The following SRP72 variants were observed in gnomAD, a reference collection of about 807,000 sequenced individuals.
SRP72 encodes signal recognition particle subunit SRP72.
In SRP72, 49 loss-of-function variants were observed where a neutral mutation model predicts 96.3. The observed-to-expected ratio is 0.51, with a 90% confidence interval of 0.40 to 0.65. The LOEUF (loss-of-function observed/expected upper bound fraction) is 0.65, where lower values mean the gene tolerates loss of function less well. Among genes scored for constraint, SRP72 ranks in the 30% least tolerant of loss-of-function variants. The pLI is 0.00. For missense variants in SRP72, 736 were observed against 793.3 expected, an observed-to-expected ratio of 0.93 and a Z score of 0.87; for synonymous variants, 267 against 275.2, an observed-to-expected ratio of 0.97 and a Z score of 0.30.
intron 1 of SRP72, among the ~76,000 whole-genome samples, chr4:56,468,060 C>G (rs528525132): frequency 6.6e-6 from 1 of 152,260 alleles, no homozygotes; most frequent in African/African-American, 2.4e-5. Context: ...TCTTATTTGA[C>G]TCCTTTGCTG....
At chr4:56,469,602 T>C (rs781529312) in intron 1 of SRP72, 51 bp from the exon 2 acceptor site, 10 of 1,480,580 alleles carry the variant, frequency 6.8e-6, no homozygotes, top group Non-Finnish European at 9.1e-6. Context: ...TTAGTAAAAA[T>C]GTGAAAAGGA....
chr4:56,474,815 G>T (rs1720141952), intron 5 of SRP72, among the ~76,000 whole-genome samples: 1 of 152,174 alleles, frequency 6.6e-6, no homozygotes, highest in Non-Finnish European at 1.5e-5. Context: ...CTCCCAAGTA[G>T]CTGGGATCAC....
Position 56,489,476 on chromosome 4 carries a change from A to G in SRP72, c.1313A>G (p.Asn438Ser). ...ACACAAGCTATCCAGTGGTATCAAAACCATCAGGTAAATAAATGGAGTAAA... is the reference window on the plus strand; with the variant it reads ...ACACAAGCTATCCAGTGGTATCAAAGCCATCAGGTAAATAAATGGAGTAAA... ...VFTQAIQWYQNHQPKSPAHLS... is the reference protein window; with the variant it reads ...VFTQAIQWYQSHQPKSPAHLS... Residue 438 changes from asparagine to serine, a missense_variant, in exon 13 of 19, where the codon AAC becomes AGC. By Grantham distance (46) the Asn-to-Ser change is conservative (BLOSUM62 1). Transcript: ENST00000642900. 6.4e-7 allele frequency: 1 copy of G among 1,570,630 alleles called. No homozygotes were observed. The highest frequency in any genetic ancestry group is 8.7e-7 in the Non-Finnish European group (1 of 1,146,958).
Position 56,484,744 on chromosome 4 carries a change from A to G in SRP72, c.966A>G (p.Gln322=), listed in dbSNP as rs541070525. Residue 322 remains glutamine, a synonymous_variant, in exon 10 of 19, where the codon CAA becomes CAG. Coordinates refer to ENST00000642900, the MANE Select transcript of SRP72 (RefSeq NM_006947.4). ...LLAMYTNQAE[Q]CRKISASLQS... Reference sequence around the variant, plus strand: ...GGTTGGATATCTTCTAGGCTGAACAATGCCGCAAAATATCTGCCAGTTTAC... The same window carrying G: ...GGTTGGATATCTTCTAGGCTGAACAGTGCCGCAAAATATCTGCCAGTTTAC... 16 of 1,614,114 alleles carry G rather than the reference A, an allele frequency of 9.9e-6. No individual in the cohort carries two copies. Among genetic ancestry groups the G allele is most frequent in the African/African-American group, 1.3e-5 (1 of 75,030 alleles).
chr4:56,479,701 T>C (rs1044123650), intron 8 of SRP72, among the ~76,000 whole-genome samples: 1 of 150,576 alleles, frequency 6.6e-6, no homozygotes, highest in Non-Finnish European at 1.5e-5. Context: ...GGCTGGTCTT[T>C]AAACTCCTGG....
chr4:56,480,698 C>G (rs1051336616), intron 8 of SRP72, among the ~76,000 whole-genome samples: 4 of 152,136 alleles, frequency 2.6e-5, no homozygotes, highest in African/African-American at 9.7e-5. Flanking sequence ...CAAAATAGTA[C>G]TGGATGCAAT....
Position 56,478,659 on chromosome 4 carries a change from A to G in SRP72, c.825+10A>G, listed in dbSNP as rs1395258049. On this transcript the variant is annotated intron_variant, in intron 8 of 18. Transcript: ENST00000642900. ...CATTACCATTAACAAGGTATGGAGTATTTGTGCTTTCCATAGATATATTTT... is the reference window on the plus strand; with the variant it reads ...CATTACCATTAACAAGGTATGGAGTGTTTGTGCTTTCCATAGATATATTTT... The G allele has an allele frequency of 1.2e-6, 2 of 1,610,308 alleles. No homozygotes were observed. The highest frequency in any genetic ancestry group is 1.1e-5 in the South Asian group (1 of 90,358).
chr4:56,497,002 A>G (rs535417972), intron 17 of SRP72, among the ~76,000 whole-genome samples: 1 of 152,236 alleles, frequency 6.6e-6, no homozygotes, highest in Admixed American at 6.5e-5. Flanking sequence ...CCCAAAAAAA[A>G]GCATGCTCCC....
Position 56,474,290 on chromosome 4 carries a change from G to A in SRP72, c.509G>A (p.Gly170Asp), listed in dbSNP as rs1419324011. 2 of 1,613,964 alleles carry A rather than the reference G, an allele frequency of 1.2e-6. No homozygotes were observed. The highest frequency in any genetic ancestry group is 3.3e-5 in the Admixed American group (2 of 59,988). ...NWEKVVPENL[G>D]LQEGTHELCY... ...TTTGTCCCCTGACAGGAGAACCTGG[G>A]CCTCCAAGAAGGCACACATGAGCTG... is the stretch of plus-strand genomic sequence containing the variant. The change falls in exon 5 of 19, where the codon GGC (glycine) becomes GAC (aspartate). Residue 170 changes from glycine to aspartate, a missense_variant. Gly to Asp is a moderately conservative substitution (Grantham distance 94). Coordinates refer to ENST00000642900, the MANE Select transcript of SRP72 (RefSeq NM_006947.4).
chr4:56,492,621 ACT>A lies in SRP72; in HGVS notation c.1640+1056_1640+1057del, dbSNP rs1227716088. ...ACAATGACTGATTTCTTTCTAACAA[ACT>A]CTGCATTTCATAAAAAGCATTGTTG... On this transcript the variant is annotated intron_variant, in intron 16 of 18. Transcript: ENST00000642900. Among the ~76,000 whole-genome samples the A allele has an allele frequency of 3.3e-5, 5 of 152,248 alleles. No homozygotes were observed. In the East Asian group the frequency reaches 7.7e-4, roughly 24 times the overall value.
chr4:56,478,265 A>AT (rs1720330506), intron 6 of SRP72, 114 bp from the exon 7 acceptor site: 1 of 1,088,386 alleles, frequency 9.2e-7, no homozygotes. Flanking sequence ...CTAAGGGAAA[A>AT]TTTCTGAAAT....
At chr4:56,467,824 G>C in intron 1 of SRP72, 80 bp downstream of exon 1, 1 of 1,296,684 alleles carries the variant, frequency 7.7e-7, no homozygotes, top group Non-Finnish European at 1.0e-6. Context: ...AGACCACCTC[G>C]CGCGGGAGGC....
intron 8 of SRP72, among the ~76,000 whole-genome samples, chr4:56,482,466 T>A (rs1158215450): frequency 6.6e-6 from 1 of 151,692 alleles, no homozygotes; most frequent in Non-Finnish European, 1.5e-5. Flanking sequence ...AAAAGGTATG[T>A]ACTTGTTTTC....
At chr4:56,485,696 G>C (rs934361150) in intron 10 of SRP72, among the ~76,000 whole-genome samples, 5 of 152,018 alleles carry the variant, frequency 3.3e-5, no homozygotes, top group Non-Finnish European at 5.9e-5. Context: ...CAACTACGTG[G>C]GAGGCTGAGG....
chr4:56,501,772 C>G lies in SRP72; in HGVS notation c.1927C>G (p.Pro643Ala). Residue 643 changes from proline (P) to alanine (A), a missense_variant, in exon 19 of 19, where the codon CCC becomes GCC. Pro to Ala is a conservative substitution (Grantham distance 27). This residue lies in a region of SRP72 where 388 missense variants were observed against 431.8 expected (regional missense o/e 0.90). Coordinates refer to ENST00000642900, the MANE Select transcript of SRP72 (RefSeq NM_006947.4). ...ATCTGCCTCTACAAGTAACATCATA[C>G]CCCCAAGACACCAGAAACCTGCAGG... ...TVSASTSNII[P>A]PRHQKPAGAP... is the part of the protein sequence containing the mutation. The G allele has an allele frequency of 6.2e-7, 1 of 1,614,082 alleles. No individual in the cohort carries two copies.
Position 56,478,597 on chromosome 4 carries a change from C to T in SRP72, c.773C>T (p.Thr258Ile). ...LYNQIIKLKP[T>I]DVGLLAVIAN... is the part of the protein sequence containing the mutation. ...CTGTTGCTTGTTGTTCACAGACCAACAGATGTGGGATTACTAGCTGTAATT... is the reference window on the plus strand; with the variant it reads ...CTGTTGCTTGTTGTTCACAGACCAATAGATGTGGGATTACTAGCTGTAATT... The change falls in exon 8 of 19, where the codon ACA becomes ATA. Residue 258 changes from threonine to isoleucine, a missense_variant. Transcript: ENST00000642900. 6.2e-7 allele frequency: 1 copy of T among 1,614,018 alleles called. No individual in the cohort carries two copies. Among genetic ancestry groups the T allele is most frequent in the East Asian group, 2.2e-5 (1 of 44,868 alleles).
At chr4:56,487,635 G>T (rs1386908033) in intron 11 of SRP72, among the ~76,000 whole-genome samples, 1 of 152,096 alleles carries the variant, frequency 6.6e-6, no homozygotes, top group African/African-American at 2.4e-5. Flanking sequence ...TCAAGTTACA[G>T]CCCAAAAAAG....
intron 2 of SRP72, among the ~76,000 whole-genome samples, chr4:56,471,013 G>C (rs1719952795): frequency 6.6e-6 from 1 of 152,104 alleles, no homozygotes; most frequent in Non-Finnish European, 1.5e-5. Flanking sequence ...TGTTGGCCAG[G>C]CTGGTCTTGA....
intron 1 of SRP72, 47 bp from the exon 2 acceptor site, chr4:56,469,605 GA>G: frequency 1.3e-6 from 2 of 1,488,480 alleles, no homozygotes; most frequent in Non-Finnish European, 1.8e-6. Context: ...GTAAAAATGT[GA>G]AAAGGAAATG....
Sources: allele counts gnomAD v4.1 joint callset (sites outside exome capture counted in the v4.1 genomes callset), GRCh38; gene constraint gnomAD v4.1.1; regional missense constraint gnomAD v4.1.1; transcripts MANE v1.5; gene names NCBI Gene and HGNC (gene_info 2026-07-23, HGNC 2026-07-21).